BDP1: variants seen among roughly 807,000 people sequenced by gnomAD.
The protein encoded by BDP1 is BDP1 general transcription factor IIIB subunit, also known as transcription factor TFIIIB component B'' homolog.
BDP1 carries 169 observed loss-of-function variants against 266.6 expected under a neutral mutation model. The observed-to-expected ratio is 0.63, with a 90% CI of 0.56 to 0.72. The LOEUF is 0.72. BDP1 is among the 30% of genes least tolerant of loss of function. The pLI is 0.00. For missense variants in BDP1, 3,015 were observed against 3,053.8 expected (o/e 0.99, Z 0.30); for synonymous variants, 1,090 against 1,022.4 (o/e 1.07, Z -1.26).
Position 71,468,022 on chromosome 5 carries a change from T to A in BDP1, c.919+535T>A, listed in dbSNP as rs549520998. 5.9e-5 allele frequency among the ~76,000 whole-genome samples: 9 copies of A among 151,968 alleles called. No homozygotes were observed. The South Asian group carries it at 1.5e-3, about 25-fold the overall frequency. On this transcript the variant is annotated intron_variant, in intron 6 of 38. Transcript: ENST00000358731. ...AACCCAGCTAATTTTTTGAAAAAAA[T>A]TTTTTTATTTTTTGAGACGGAGTTT...
In BDP1 at chr5:71,510,051, A is replaced by G. The variant is rs878948263; in HGVS notation, c.2959A>G (p.Thr987Ala). Reference protein sequence around the residue: ...TEEIDKNLEETGRRKISPREN... With the variant: ...TEEIDKNLEEAGRRKISPREN... The stretch of plus-strand genomic sequence containing the variant: ...GGAAATAGACAAAAATTTGGAAGAA[A>G]CTGGAAGAAGAAAAATATCCCCAAG... Residue 987 changes from threonine (T) to alanine (A), a missense_variant, in exon 17 of 39, where the codon ACT becomes GCT. This residue lies in a region of BDP1 where 2,383 missense variants were observed against 2,404.9 expected (regional missense o/e 0.99). Transcript: ENST00000358731. 6.2e-7 allele frequency: 1 copy of G among 1,612,850 alleles called. No individual in the cohort carries two copies. Among genetic ancestry groups the G allele is most frequent in the Admixed American group, 1.7e-5 (1 of 59,906 alleles).
rs536505055 is a variant in BDP1, at chr5:71,488,431, CT to C, written c.1214-959del. Among the ~76,000 whole-genome samples the C allele has an allele frequency of 2.1e-3, 276 of 131,144 alleles. 1 individual carries two copies. Among genetic ancestry groups the C allele is most frequent in the African/African-American group, 2.4e-3 (84 of 35,398 alleles). The allele number at this position is 131,144 out of a possible 152,430, so 86.0% of individuals were successfully genotyped here. A position where few individuals can be genotyped will look rare whatever the true frequency, so the allele number is the denominator to read the frequency against. On this transcript the variant is annotated intron_variant, in intron 9 of 38. Coordinates refer to ENST00000358731, the MANE Select transcript of BDP1 (RefSeq NM_018429.3). ...TGTGAGCCACCACGCCCAGCCAGAACTTTTTTTTTTTTTTGAGACGGAGTTT... is the reference window on the plus strand; with the variant it reads ...TGTGAGCCACCACGCCCAGCCAGAACTTTTTTTTTTTTTGAGACGGAGTTT...
intron 26 of BDP1, among the ~76,000 whole-genome samples, chr5:71,533,904 C>G (rs975454642): frequency 6.6e-6 from 1 of 152,078 alleles, no homozygotes; most frequent in Non-Finnish European, 1.5e-5. Context: ...TGAGAAATGT[C>G]TATTCAAATC....
intron 25 of BDP1, among the ~76,000 whole-genome samples, chr5:71,530,551 T>C (rs947032430): frequency 8.6e-5 from 13 of 151,980 alleles, no homozygotes; most frequent in Middle Eastern, 3.2e-3. Flanking sequence ...GCCTATTGTT[T>C]TTAAATTCAT....
intron 2 of BDP1, among the ~76,000 whole-genome samples, chr5:71,460,930 A>G (rs528513178): frequency 1.4e-4 from 21 of 152,286 alleles, no homozygotes; most frequent in Middle Eastern, 6.8e-3. Flanking sequence ...ATGTTTAGTT[A>G]GAAGGCATCA....
At chr5:71,474,930 A>G (rs1398409934) in intron 7 of BDP1, among the ~76,000 whole-genome samples, 3 of 151,298 alleles carry the variant, frequency 2.0e-5, no homozygotes, top group Non-Finnish European at 4.4e-5. Flanking sequence ...CCTGGCCCCC[A>G]GTATAAAATT....
chr5:71,577,985 T>C, the BDP1 span, among the ~76,000 whole-genome samples: 3 of 152,276 alleles, frequency 2.0e-5, no homozygotes, highest in East Asian at 5.8e-4. Context: ...GGCTACATGA[T>C]CAAACAGCAA....
chr5:71,541,456 G>A lies in BDP1; in HGVS notation c.6025G>A (p.Gly2009Arg), dbSNP rs774753440. ...SEISSEQGDV[G>R]VCIIPHVHSK... is the part of the protein sequence containing the mutation. ...TTGTTTTTTTTTTTTTTCTTCAGTA[G>A]GAGTATGTATAATTCCTCATGTTCA... is the stretch of plus-strand genomic sequence containing the variant. The change falls in exon 29 of 39, where the codon GGA (glycine) becomes AGA (arginine). Residue 2009 changes from glycine to arginine, a missense_variant and splice_region_variant. This residue lies in a region of BDP1 where 2,383 missense variants were observed against 2,404.9 expected (regional missense o/e 0.99). Transcript: ENST00000358731. 3 of 1,075,040 alleles carry A rather than the reference G, an allele frequency of 2.8e-6. No homozygotes were observed. The highest frequency in any genetic ancestry group is 3.9e-6 in the Non-Finnish European group (3 of 769,424). The allele number at this position is 1,075,040 out of a possible 1,614,324, so 66.6% of individuals were successfully genotyped here.
In BDP1 at chr5:71,549,473, T is replaced by G; in HGVS notation, c.6862T>G (p.Leu2288Val). The G allele has an allele frequency of 6.8e-6, 11 of 1,614,158 alleles. No homozygotes were observed. Among genetic ancestry groups the G allele is most frequent in the Non-Finnish European group, 9.3e-6 (11 of 1,180,018 alleles). The change falls in exon 34 of 39, where the codon TTA becomes GTA. Residue 2288 changes from leucine (L) to valine (V), a missense_variant. Coordinates refer to ENST00000358731, the MANE Select transcript of BDP1 (RefSeq NM_018429.3). ...QDGEDEQAFI[L>V]TLVEIPANAV... ...TGGAGAAGATGAACAAGCCTTTATTTTAACTCTGGTGGAAATCCCAGCCAA... is the reference window on the plus strand; with the variant it reads ...TGGAGAAGATGAACAAGCCTTTATTGTAACTCTGGTGGAAATCCCAGCCAA...
chr5:71,493,186 A>G (rs755114148), intron 11 of BDP1, among the ~76,000 whole-genome samples: 1 of 152,256 alleles, frequency 6.6e-6, no homozygotes, highest in Non-Finnish European at 1.5e-5. Flanking sequence ...CAGATAATCT[A>G]AAGTGTGAGT....
Position 71,467,412 on chromosome 5 carries a change from A to G in BDP1, c.844A>G (p.Ile282Val). 1 of 1,611,196 alleles carries G rather than the reference A, an allele frequency of 6.2e-7. No individual in the cohort carries two copies. ...GPCVVEENDP[I>V]FERGSTTTYS... is the part of the protein sequence containing the mutation. ...TTGTGTTGTTGAAGAAAATGACCCC[A>G]TATTTGAGCGCGGTTCTACAACTAC... Residue 282 changes from isoleucine to valine, a missense_variant, in exon 6 of 39, where the codon ATA (isoleucine) becomes GTA (valine). Coordinates refer to ENST00000358731, the MANE Select transcript of BDP1 (RefSeq NM_018429.3).
rs773017555 is a variant in BDP1 at position 71,564,899 on chromosome 5, C to A, written c.*14C>A. The A allele has an allele frequency of 3.8e-6, 6 of 1,574,360 alleles. No individual in the cohort carries two copies. The Admixed American group carries it at 1.2e-4, about 31-fold the overall frequency. On this transcript the variant is annotated 3_prime_UTR_variant, in exon 39 of 39. Coordinates refer to ENST00000358731, the MANE Select transcript of BDP1 (RefSeq NM_018429.3). The stretch of plus-strand genomic sequence containing the variant: ...GAAACAGAATAAAACAATCTTTTCT[C>A]TTTTTCTTTTTTAAATTAGGTCTAG...
the BDP1 span, among the ~76,000 whole-genome samples, chr5:71,574,682 A>C: frequency 6.6e-6 from 1 of 152,234 alleles, no homozygotes; most frequent in South Asian, 2.1e-4. Flanking sequence ...ATTATGAAGG[A>C]GAAATTCAAG....
At position 71,524,101 on chromosome 5, in the gene BDP1, G is replaced by T. The variant is rs202201042; in HGVS notation, c.5550G>T (p.Arg1850=). The change falls in exon 25 of 39, where the codon CGG becomes CGT. Residue 1850 remains arginine (R), a synonymous_variant. Coordinates refer to ENST00000358731, the MANE Select transcript of BDP1 (RefSeq NM_018429.3). ...GAGGTCGTGGATCAAAACGAGTTCG[G>T]GGTAAGACCTCTAAGAAGGAACCTA... ...VTRGRGSKRV[R]GKTSKKEPRA... is the part of the protein sequence containing the mutation. 1.8e-4 allele frequency: 286 copies of T among 1,614,164 alleles called. 1 individual carries two copies. The East Asian group carries it at 6.3e-3, about 36-fold the overall frequency.
intron 34 of BDP1, among the ~76,000 whole-genome samples, chr5:71,552,120 G>A (rs185190694): frequency 8.7e-4 from 48 of 54,980 alleles, no homozygotes; most frequent in South Asian, 3.7e-3. Flanking sequence ...GCTGCCGGGC[G>A]GAGGGGCTCC....
In BDP1 at chr5:71,489,419, G is replaced by A. The variant is rs1763451673; in HGVS notation, c.1229G>A (p.Cys410Tyr). 1 of 1,598,900 alleles carries A rather than the reference G, an allele frequency of 6.3e-7. No individual in the cohort carries two copies. Among genetic ancestry groups the A allele is most frequent in the Non-Finnish European group, 8.5e-7 (1 of 1,175,140 alleles). The stretch of plus-strand genomic sequence containing the variant: ...TTGTTTTCAGTGAAAAAAGTTGCCT[G>A]TGAAGGAGTGAATAATGATCCAGAT... ...RKNVKVKKVA[C>Y]EGVNNDPDES... The change falls in exon 10 of 39, where the codon TGT becomes TAT. Residue 410 changes from cysteine (C) to tyrosine (Y), a missense_variant. Physicochemically the swap from Cys to Tyr is radical, Grantham distance 194 (BLOSUM62 -2). Coordinates refer to ENST00000358731, the MANE Select transcript of BDP1 (RefSeq NM_018429.3).
At chr5:71,560,352 T>G in intron 37 of BDP1, 115 bp downstream of exon 37, 1 of 1,143,644 alleles carries the variant, frequency 8.7e-7, no homozygotes, top group South Asian at 1.8e-5. Context: ...TATTCCTCCA[T>G]CAGTAATGTA....
At chr5:71,527,587 G>A (rs1233207304) in intron 25 of BDP1, among the ~76,000 whole-genome samples, 1 of 152,062 alleles carries the variant, frequency 6.6e-6, no homozygotes. Context: ...TGTAGCTTAT[G>A]TCAGAGTGTT....
At chr5:71,504,502 T>G (rs1457106695) in intron 15 of BDP1, 119 bp from the exon 16 acceptor site, 1 of 862,302 alleles carries the variant, frequency 1.2e-6, no homozygotes, top group Non-Finnish European at 1.8e-6. Context: ...TATTTTAAAG[T>G]CTCCATTTTA....
Sources: allele counts gnomAD v4.1 joint callset (sites outside exome capture counted in the v4.1 genomes callset), GRCh38; gene constraint gnomAD v4.1.1; regional missense constraint gnomAD v4.1.1; transcripts MANE v1.5; gene names NCBI Gene and HGNC (gene_info 2026-07-23, HGNC 2026-07-21).